Variants in UBL7 observed in about 807,000 individuals in gnomAD.
UBL7 encodes the protein ubiquitin like 7.
In UBL7, 21 loss-of-function variants were observed where a neutral mutation model predicts 41.7. The observed-to-expected ratio is 0.50, with a 90% CI of 0.36 to 0.73. The LOEUF is 0.73. UBL7 is among the 30% of genes least tolerant of loss of function. The pLI, the probability that UBL7 is intolerant of heterozygous loss-of-function variation, is 0.00. For synonymous variants in UBL7, 157 were observed against 186.9 expected (o/e 0.84, Z 1.31); for missense variants, 403 against 478.4 (o/e 0.84, Z 1.47).
chr15:74,449,558 A>T, intron 8 of UBL7, 68 bp downstream of exon 8: 1 of 1,611,406 alleles, frequency 6.2e-7, no homozygotes, highest in Non-Finnish European at 8.5e-7. Flanking sequence ...AGGTCCCAGG[A>T]TGCAGCTCAT....
In UBL7 at chr15:74,449,304, G is replaced by A; in HGVS notation, c.764C>T (p.Ser255Phe). The A allele has an allele frequency of 6.2e-7, 1 of 1,614,056 alleles. No individual in the cohort carries two copies. The highest frequency in any genetic ancestry group is 1.3e-5 in the African/African-American group (1 of 75,060). The stretch of plus-strand genomic sequence containing the variant: ...CCCAGCAGCTCCACTGTACCCCAGG[G>A]AGGCTGGGCGGGAGCTGGGAGTACT... ...SSSTPSSRPA[S>F]LGYSGAAGPR... The change falls in exon 9 of 11, where the codon TCC becomes TTC. Residue 255 changes from serine (S) to phenylalanine (F), a missense_variant. Transcript: ENST00000395081.
intron 1 of UBL7, 166 bp downstream of exon 1, chr15:74,460,871 G>A: frequency 8.4e-7 from 1 of 1,191,000 alleles, no homozygotes; most frequent in Admixed American, 3.8e-5. Flanking sequence ...TATGCCAGAA[G>A]GAGGTCGTTT....
At chr15:74,453,957 C>A (rs1267643512) in intron 3 of UBL7, among the ~76,000 whole-genome samples, 1 of 152,216 alleles carries the variant, frequency 6.6e-6, no homozygotes, top group Non-Finnish European at 1.5e-5. Flanking sequence ...CTCTTAATAT[C>A]TTAAGCCATT....
chr15:74,450,851 G>C lies in UBL7; in HGVS notation c.481C>G (p.Gln161Glu). The C allele has an allele frequency of 6.2e-7, 1 of 1,613,506 alleles. No homozygotes were observed. The highest frequency in any genetic ancestry group is 8.5e-7 in the Non-Finnish European group (1 of 1,179,686). The change falls in exon 6 of 11, where the codon CAG (glutamine) becomes GAG (glutamate). Residue 161 changes from glutamine (Q) to glutamate (E), a missense_variant. Physicochemically the swap from Gln to Glu is conservative, Grantham distance 29. Coordinates refer to ENST00000395081, the MANE Select transcript of UBL7 (RefSeq NM_032907.5). ...SSDPIALGVLQDKDLFSVFAD... is the reference protein window; with the variant it reads ...SSDPIALGVLEDKDLFSVFAD... ...AAGACAGAGAAGAGGTCCTTGTCCTGGAGAACCCCTGAAAAAGAGCAGAGC... is the reference window on the plus strand; with the variant it reads ...AAGACAGAGAAGAGGTCCTTGTCCTCGAGAACCCCTGAAAAAGAGCAGAGC...
chr15:74,457,105 C>T (rs958714916), intron 2 of UBL7, among the ~76,000 whole-genome samples: 5 of 152,212 alleles, frequency 3.3e-5, no homozygotes, highest in African/African-American at 7.2e-5. Flanking sequence ...AACCACCATG[C>T]CTAGCCAATT....
chr15:74,448,713 C>A, intron 9 of UBL7, 113 bp from the exon 10 acceptor site: 1 of 1,445,892 alleles, frequency 6.9e-7, no homozygotes, highest in Non-Finnish European at 9.4e-7. Flanking sequence ...ACTTCTGCCT[C>A]CCAACAAAGA....
Position 74,461,125 on chromosome 15 carries a change from C to A in UBL7, c.-118G>T. The A allele has an allele frequency of 2.0e-6, 2 of 997,410 alleles. No individual in the cohort carries two copies. Among genetic ancestry groups the A allele is most frequent in the Middle Eastern group, 5.1e-4 (1 of 1,942 alleles). 61.8% of individuals were successfully genotyped at this position (997,410 alleles called of 1,614,324 possible). On this transcript the variant is annotated 5_prime_UTR_variant, in exon 1 of 11. Transcript: ENST00000395081. ...GCCCTCACCCGTCCCGCGGAAGGAACCCGGCCGCACTGCCGCCGGTGTAAA... is the reference window on the plus strand; with the variant it reads ...GCCCTCACCCGTCCCGCGGAAGGAAACCGGCCGCACTGCCGCCGGTGTAAA...
chr15:74,446,563 G>A lies in UBL7; in HGVS notation c.1006-336C>T, dbSNP rs2061185637. ...ACAACAGCAAGATTTTGCTCTTTATGTGATGAGTGTTACAGATTTTTTTCC... is the reference window on the plus strand; with the variant it reads ...ACAACAGCAAGATTTTGCTCTTTATATGATGAGTGTTACAGATTTTTTTCC... On this transcript the variant is annotated intron_variant, in intron 10 of 10. Transcript: ENST00000395081. The surrounding 1 kb of genome is among the most constrained non-coding windows in gnomAD (Gnocchi z 4.1). Among the ~76,000 whole-genome samples the A allele has an allele frequency of 6.6e-6, 1 of 152,216 alleles. No homozygotes were observed. Among genetic ancestry groups the A allele is most frequent in the Non-Finnish European group, 1.5e-5 (1 of 68,042 alleles).
intron 3 of UBL7, among the ~76,000 whole-genome samples, 172 bp downstream of exon 3, chr15:74,456,380 G>C (rs2061294528): frequency 6.6e-6 from 1 of 152,156 alleles, no homozygotes; most frequent in African/African-American, 2.4e-5. Flanking sequence ...GGTCAAAATT[G>C]GACTCTGTTT....
intron 3 of UBL7, among the ~76,000 whole-genome samples, chr15:74,452,777 T>C (rs1273931986): frequency 6.6e-6 from 1 of 152,172 alleles, no homozygotes; most frequent in Non-Finnish European, 1.5e-5. Context: ...AGTGGCGCAA[T>C]CTCGGCTCGC....
chr15:74,449,972 G>C lies in UBL7; in HGVS notation c.628C>G (p.Arg210Gly). 3 of 1,613,176 alleles carry C rather than the reference G, an allele frequency of 1.9e-6. No homozygotes were observed. The highest frequency in any genetic ancestry group is 2.5e-6 in the Non-Finnish European group (3 of 1,179,652). The change falls in exon 7 of 11, where the codon CGG becomes GGG. Residue 210 changes from arginine (R) to glycine (G), a missense_variant. Arg to Gly is a moderately radical substitution (Grantham distance 125). Coordinates refer to ENST00000395081, the MANE Select transcript of UBL7 (RefSeq NM_032907.5). ...APMPGTDSSSRSMPSSSYRDM... is the reference protein window; with the variant it reads ...APMPGTDSSSGSMPSSSYRDM... ...CGGTATGAGCTGGAGGGCATGCTCC[G>C]GGAAGAGGAGTCAGTCCCAGGCATT...
At chr15:74,458,966 G>T in intron 1 of UBL7, 70 bp from the exon 2 acceptor site, 7 of 1,462,156 alleles carry the variant, frequency 4.8e-6, no homozygotes, top group South Asian at 1.2e-5. Context: ...CCCACCAAAG[G>T]GTTGAATGAA....
At chr15:74,451,947 G>C (rs2061250326) in intron 4 of UBL7, among the ~76,000 whole-genome samples, 1 of 152,160 alleles carries the variant, frequency 6.6e-6, no homozygotes, top group African/African-American at 2.4e-5. Context: ...CCTACAGAAA[G>C]ACATCAGCCC....
intron 3 of UBL7, among the ~76,000 whole-genome samples, chr15:74,453,175 T>A (rs113476596): frequency 6.6e-6 from 1 of 152,210 alleles, no homozygotes; most frequent in African/African-American, 2.4e-5. Context: ...GTCCTGATCA[T>A]GAGGCTGTCT....
At chr15:74,456,960 C>G (rs968388050) in intron 2 of UBL7, among the ~76,000 whole-genome samples, 2 of 152,092 alleles carry the variant, frequency 1.3e-5, no homozygotes, top group African/African-American at 4.8e-5. Context: ...CAGGCACATG[C>G]CACCACACCC....
chr15:74,450,113 G>T (rs2061229200), intron 6 of UBL7, 44 bp from the exon 7 acceptor site: 4 of 1,566,388 alleles, frequency 2.6e-6, no homozygotes, highest in Non-Finnish European at 3.5e-6. Flanking sequence ...CTCCAAAAGA[G>T]CACCCTCAGC....
intron 1 of UBL7, among the ~76,000 whole-genome samples, chr15:74,459,706 CT>C (rs989635590): frequency 6.6e-6 from 1 of 151,836 alleles, no homozygotes; most frequent in Non-Finnish European, 1.5e-5. Context: ...TGGCTCATGC[CT>C]GTAACCCTAG....
rs149931216 is a variant in UBL7, at chr15:74,458,365, A to T, written c.184+319T>A. ...AATTGCTTGAACTGGGACCCAGGAG[A>T]CAGAGGTTGCAGTGAGCCGAGATCG... On this transcript the variant is annotated intron_variant, in intron 2 of 10. Transcript: ENST00000395081. Among the ~76,000 whole-genome samples the T allele has an allele frequency of 1.5e-3, 225 of 152,226 alleles. 1 individual carries two copies. The highest frequency in any genetic ancestry group is 5.2e-3 in the African/African-American group (217 of 41,540).
In UBL7 at chr15:74,454,176, G is replaced by A. The variant is rs562590666; in HGVS notation, c.305-1798C>T. On this transcript the variant is annotated intron_variant, in intron 3 of 10. Coordinates refer to ENST00000395081, the MANE Select transcript of UBL7 (RefSeq NM_032907.5). ...TCTTCCTCCATAAGATGCTAATGCT[G>A]TTACCTACCCTGCAGGGCCACTGTA... 1.7e-4 allele frequency among the ~76,000 whole-genome samples: 26 copies of A among 152,270 alleles called. No homozygotes were observed. In the South Asian group the frequency reaches 5.4e-3, roughly 32 times the overall value.
Sources: gnomAD v4.1 joint callset for allele counts (sites outside exome capture counted in the v4.1 genomes callset) on GRCh38, gnomAD v4.1.1 for gene constraint, Gnocchi (gnomAD v3.1) non-coding constraint, MANE v1.5 for transcripts, NCBI Gene and HGNC (gene_info 2026-07-23, HGNC 2026-07-21) for gene names.